Variants in PCCA observed in about 807,000 individuals in gnomAD.
The protein encoded by PCCA is propionyl-CoA carboxylase alpha chain, mitochondrial.
In PCCA, 74 loss-of-function variants were observed where a neutral mutation model predicts 101.3. The ratio of observed to expected loss-of-function variants is 0.73; its 90% CI spans 0.61 to 0.89. The LOEUF is 0.89. Among genes scored for constraint, PCCA ranks in the 40% least tolerant of loss-of-function variants. The pLI is 0.00. For missense variants in PCCA, 891 were observed against 907.0 expected (o/e 0.98, Z 0.23); for synonymous variants, 294 against 313.6 (o/e 0.94, Z 0.66).
intron 4 of PCCA, 36 bp downstream of exon 4, chr13:100,112,097 A>G: frequency 6.7e-7 from 1 of 1,496,742 alleles, no homozygotes. Flanking sequence ...ATCAGGACTT[A>G]ATTTTGGGTC....
At chr13:100,432,146 AAAATAAAT>A (rs59813518) in intron 20 of PCCA, among the ~76,000 whole-genome samples, 6 of 150,982 alleles carry the variant, frequency 4.0e-5, no homozygotes, top group South Asian at 4.3e-4. Flanking sequence ...CTCCATCTCA[AAAATAAAT>A]AAATAAATAA....
At chr13:100,457,560 G>A (rs2081837998) in intron 21 of PCCA, among the ~76,000 whole-genome samples, 1 of 152,176 alleles carries the variant, frequency 6.6e-6, no homozygotes, top group Non-Finnish European at 1.5e-5. Flanking sequence ...CATGATACCT[G>A]CACACATAAT....
intron 20 of PCCA, among the ~76,000 whole-genome samples, chr13:100,442,245 T>C (rs2080430894): frequency 6.6e-6 from 1 of 152,122 alleles, no homozygotes; most frequent in South Asian, 2.1e-4. Flanking sequence ...CCGCCTTCCT[T>C]GACCTCCCAA....
chr13:100,409,200 G>A (rs377479397), intron 19 of PCCA, among the ~76,000 whole-genome samples: 7 of 152,150 alleles, frequency 4.6e-5, no homozygotes, highest in South Asian at 2.1e-4. Context: ...GCAGGCGGTG[G>A]GGGCACAGTT....
chr13:100,115,241 A>G (rs995069361), intron 4 of PCCA, among the ~76,000 whole-genome samples: 1 of 151,816 alleles, frequency 6.6e-6, no homozygotes, highest in Non-Finnish European at 1.5e-5. Context: ...ACTCATAGAG[A>G]GAGAGTAGAA....
At chr13:100,171,524 TGTCAA>T in intron 6 of PCCA, among the ~76,000 whole-genome samples, 1 of 152,324 alleles carries the variant, frequency 6.6e-6, no homozygotes. Context: ...ATTACTTCCA[TGTCAA>T]GTCAAGGACT....
intron 4 of PCCA, among the ~76,000 whole-genome samples, chr13:100,115,235 A>G (rs1275445653): frequency 6.6e-6 from 1 of 152,130 alleles, no homozygotes; most frequent in African/African-American, 2.4e-5. Flanking sequence ...AATTGGACTC[A>G]TAGAGAGAGA....
chr13:100,238,685 C>T (rs766850901), intron 8 of PCCA, among the ~76,000 whole-genome samples: 2 of 152,140 alleles, frequency 1.3e-5, no homozygotes, highest in African/African-American at 4.8e-5. Flanking sequence ...TCAGAAGCCT[C>T]GCATAAAATC....
intron 6 of PCCA, among the ~76,000 whole-genome samples, chr13:100,198,902 A>G (rs1229020729): frequency 7.2e-6 from 1 of 139,624 alleles, no homozygotes; most frequent in East Asian, 2.1e-4. Context: ...AAACATAAGA[A>G]TGTACTTTAC....
chr13:100,209,619 G>A (rs977450231), intron 7 of PCCA, among the ~76,000 whole-genome samples, 156 bp downstream of exon 7: 1 of 152,010 alleles, frequency 6.6e-6, no homozygotes, highest in Non-Finnish European at 1.5e-5. Flanking sequence ...TAAAAAATCA[G>A]TGTTTTTACA....
At chr13:100,488,154 C>T (rs531150633) in intron 21 of PCCA, among the ~76,000 whole-genome samples, 433 of 152,246 alleles carry the variant, frequency 2.8e-3, no homozygotes, top group African/African-American at 9.5e-3. Context: ...AGTGCAATGG[C>T]ACAATCTCGG....
chr13:100,394,658 G>A lies in PCCA; in HGVS notation c.1746+26084G>A, dbSNP rs181903620. Among the ~76,000 whole-genome samples the A allele has an allele frequency of 1.3e-3, 197 of 152,230 alleles. No individual in the cohort carries two copies. The highest frequency in any genetic ancestry group is 2.3e-3 in the Admixed American group (35 of 15,290). The stretch of plus-strand genomic sequence containing the variant: ...AACAAGGGTTACCATGACCCAAATA[G>A]TAATTGCATTTTGATTCACTTTGCC... On this transcript the variant is annotated intron_variant, in intron 19 of 23. Coordinates refer to ENST00000376285, the MANE Select transcript of PCCA (RefSeq NM_000282.4). This position sits in a 1 kb window ranked among gnomAD's most constrained non-coding sequence, Gnocchi z 4.3.
chr13:100,103,105 G>A (rs987042122), intron 2 of PCCA, 145 bp downstream of exon 2: 24 of 648,196 alleles, frequency 3.7e-5, no homozygotes, highest in Non-Finnish European at 6.1e-5. Flanking sequence ...TGTTTCTATA[G>A]GTGCTCAGTC....
intron 6 of PCCA, among the ~76,000 whole-genome samples, chr13:100,184,742 G>A (rs368901497): frequency 1.1e-4 from 17 of 152,230 alleles, no homozygotes; most frequent in African/African-American, 4.1e-4. Flanking sequence ...GGAATTTCAT[G>A]TAATTTTAAC....
intron 7 of PCCA, among the ~76,000 whole-genome samples, chr13:100,235,208 G>A (rs2060717493): frequency 6.8e-6 from 1 of 147,488 alleles, no homozygotes; most frequent in Non-Finnish European, 1.5e-5. Context: ...CCAGTAGTTG[G>A]TTCGTTGAAA....
chr13:100,164,812 C>T (rs2054864819), intron 6 of PCCA, among the ~76,000 whole-genome samples: 1 of 152,174 alleles, frequency 6.6e-6, no homozygotes, highest in Non-Finnish European at 1.5e-5. Flanking sequence ...TCACCCCAAA[C>T]TGAAACTGTA....
intron 19 of PCCA, among the ~76,000 whole-genome samples, chr13:100,378,534 T>G (rs1383620552): frequency 2.6e-5 from 4 of 152,164 alleles, no homozygotes; most frequent in Non-Finnish European, 5.9e-5. Context: ...AATCCTTTCA[T>G]TATTTCTTTG....
intron 22 of PCCA, among the ~76,000 whole-genome samples, chr13:100,520,606 G>T (rs1302941347): frequency 1.6e-5 from 2 of 123,290 alleles, no homozygotes; most frequent in African/African-American, 3.2e-5. Context: ...CAGCACTCCA[G>T]CCTGGGCGAC....
rs1028190978 is a variant in PCCA, at chr13:100,495,595, T to C, written c.1900-19832T>C. ...ATTTATGACTACTCAATAAAGAAAA[T>C]ACCTTTTCCTGCTCTGCTGTCCAGT... On this transcript the variant is annotated intron_variant, in intron 21 of 23. Coordinates refer to ENST00000376285, the MANE Select transcript of PCCA (RefSeq NM_000282.4). Among the ~76,000 whole-genome samples the C allele has an allele frequency of 3.9e-5, 6 of 152,314 alleles. No individual in the cohort carries two copies. In the South Asian group the frequency reaches 8.3e-4, roughly 21 times the overall value.
Sources: allele counts gnomAD v4.1 joint callset (sites outside exome capture counted in the v4.1 genomes callset), GRCh38; gene constraint gnomAD v4.1.1; non-coding constraint Gnocchi (gnomAD v3.1); transcripts MANE v1.5; gene names NCBI Gene and HGNC (gene_info 2026-07-23, HGNC 2026-07-21).